Variants in HNRNPR observed in about 807,000 individuals in gnomAD.
HNRNPR encodes heterogeneous nuclear ribonucleoprotein R.
A neutral mutation model predicts 70.3 loss-of-function variants in HNRNPR; 4 were observed. That is an observed-to-expected ratio of 0.06 (90% CI 0.03 to 0.13). The LOEUF is 0.13. Ranked by LOEUF, HNRNPR falls within the 10% of genes least tolerant of loss-of-function variation. The probability of loss-of-function intolerance (pLI) is 1.00; values close to 1 mark genes in which losing one functional copy is unlikely to be tolerated. For missense variants in HNRNPR, 423 were observed against 788.5 expected, an observed-to-expected ratio of 0.54 and a Z score of 5.55; for synonymous variants, 241 against 267.6, an observed-to-expected ratio of 0.90 and a Z score of 0.97.
chr1:23,331,834 TAAAAAAAAA>T (rs59006948), intron 5 of HNRNPR, among the ~76,000 whole-genome samples: 45 of 59,268 alleles, frequency 7.6e-4, no homozygotes, highest in Admixed American at 3.5e-3. Context: ...ACTGTTTCTT[TAAAAAAAAA>T]AAAAAAAAAA....
chr1:23,319,196 C>T (rs1645661389), intron 7 of HNRNPR, among the ~76,000 whole-genome samples: 1 of 152,178 alleles, frequency 6.6e-6, no homozygotes, highest in African/African-American at 2.4e-5. Flanking sequence ...TAAATAATGT[C>T]AGCTAGCCCT....
chr1:23,325,009 C>A (rs1480184100), intron 5 of HNRNPR, among the ~76,000 whole-genome samples: 3 of 150,806 alleles, frequency 2.0e-5, no homozygotes, highest in Non-Finnish European at 1.5e-5. Flanking sequence ...GCGTGGTGGC[C>A]GGCGCCTGTA....
chr1:23,333,192 GA>G (rs1172718333), intron 5 of HNRNPR, among the ~76,000 whole-genome samples: 2 of 150,440 alleles, frequency 1.3e-5, no homozygotes, highest in South Asian at 2.1e-4. Context: ...CAGGGGAGGG[GA>G]AAAAAAAAGA....
At position 23,310,854 on chromosome 1, in the gene HNRNPR, CCTCTTA is replaced by C. The variant is rs1288625877; in HGVS notation, c.1496_1501del (p.Val499_Arg500del). On this transcript the variant is annotated inframe_deletion, in exon 11 of 11. Coordinates refer to ENST00000302271, the MANE Select transcript of HNRNPR (RefSeq NM_005826.5). The surrounding 1 kb of genome is among the most constrained non-coding windows in gnomAD (Gnocchi z 6.0). ...TCGCCCTCCCCTTCCTCCTCCTCTTCCTCTTACTGCATAGCCATCATCATAGCCGTA... is the reference window on the plus strand; with the variant it reads ...TCGCCCTCCCCTTCCTCCTCCTCTTCCTGCATAGCCATCATCATAGCCGTA... 3.7e-6 allele frequency: 6 copies of C among 1,614,038 alleles called. No individual in the cohort carries two copies.
chr1:23,309,161 G>A lies in HNRNPR; in HGVS notation c.*1293C>T, dbSNP rs1273239451. On this transcript the variant is annotated 3_prime_UTR_variant, in exon 11 of 11. Transcript: ENST00000302271. ...GCAGATAAATAAAAATAAACGAAGT[G>A]TTAACAGAAAGTCAAAGGTATTACT... The A allele has an allele frequency of 1.3e-5, 2 of 152,066 alleles. No individual in the cohort carries two copies. Among genetic ancestry groups the A allele is most frequent in the South Asian group, 2.1e-4 (1 of 4,830 alleles). 9.4% of individuals were successfully genotyped at this position (152,066 alleles called of 1,614,324 possible). A position where few individuals can be genotyped will look rare whatever the true frequency, so the allele number is the denominator to read the frequency against.
In HNRNPR at chr1:23,304,815, T is replaced by C. The variant is rs549112931; in HGVS notation, c.*5639A>G. ...ACTGATGATTAAATGGAAAAGGTCT[T>C]GCAAATGTCCCTATTTTGGTATTTC... On this transcript the variant is annotated 3_prime_UTR_variant, in exon 11 of 11. Coordinates refer to ENST00000302271, the MANE Select transcript of HNRNPR (RefSeq NM_005826.5). The C allele has an allele frequency of 1.3e-5, 2 of 152,342 alleles. No homozygotes were observed. The highest frequency in any genetic ancestry group is 2.9e-5 in the Non-Finnish European group (2 of 68,034). The allele number at this position is 152,342 out of a possible 1,614,324, so 9.4% of individuals were successfully genotyped here. A position where few individuals can be genotyped will look rare whatever the true frequency, so the allele number is the denominator to read the frequency against.
intron 5 of HNRNPR, among the ~76,000 whole-genome samples, chr1:23,331,834 T>TTAAAAAAA (rs1404013850): frequency 3.4e-5 from 2 of 59,242 alleles, no homozygotes; most frequent in African/African-American, 4.6e-5. Flanking sequence ...ACTGTTTCTT[T>TTAAAAAAA]AAAAAAAAAA....
intron 9 of HNRNPR, 147 bp from the exon 10 acceptor site, chr1:23,311,469 G>A (rs1645335269): frequency 6.7e-6 from 4 of 599,910 alleles, no homozygotes; most frequent in African/African-American, 1.9e-5. Context: ...AATCTAGCCA[G>A]AAAGTTAAAC....
Position 23,334,604 on chromosome 1 carries a change from A to G in HNRNPR, c.385-973T>C, listed in dbSNP as rs556875967. Among the ~76,000 whole-genome samples the G allele has an allele frequency of 3.3e-5, 5 of 152,286 alleles. No individual in the cohort carries two copies. The East Asian group carries it at 5.8e-4, about 18-fold the overall frequency. Reference sequence around the variant, plus strand: ...GATCCTTCTGGTTTGTACTCCTGCCATATCATAAGCTCCACAAGAATCAGG... The same window carrying G: ...GATCCTTCTGGTTTGTACTCCTGCCGTATCATAAGCTCCACAAGAATCAGG... On this transcript the variant is annotated intron_variant, in intron 4 of 10. Transcript: ENST00000302271.
chr1:23,323,079 T>C (rs1418273537), intron 6 of HNRNPR, among the ~76,000 whole-genome samples: 1 of 152,044 alleles, frequency 6.6e-6, no homozygotes, highest in Non-Finnish European at 1.5e-5. Context: ...ACTTAGAAAA[T>C]ATGAAATAAA....
At chr1:23,338,268 G>GT (rs1009117227) in intron 3 of HNRNPR, 4 of 353,100 alleles carry the variant, frequency 1.1e-5, no homozygotes, top group Non-Finnish European at 2.0e-5. Context: ...TTAATTTTAA[G>GT]TTTTTAAAAT....
At chr1:23,321,704 A>C in intron 6 of HNRNPR, 41 bp from the exon 7 acceptor site, 1 of 1,566,280 alleles carries the variant, frequency 6.4e-7, no homozygotes, top group Non-Finnish European at 8.6e-7. Flanking sequence ...AACCACCCCA[A>C]ACTCAGGACA....
In HNRNPR at chr1:23,337,617, G is replaced by A. The variant is rs77241175; in HGVS notation, c.384+137C>T. On this transcript the variant is annotated intron_variant, in intron 4 of 10. Coordinates refer to ENST00000302271, the MANE Select transcript of HNRNPR (RefSeq NM_005826.5). ...GCTTGCAGTGATCCAAGACTGCGCC[G>A]CTACTCCAGCCTGGGCGACAGAGCA... is the stretch of plus-strand genomic sequence containing the variant. 2,777 of 578,364 alleles carry A rather than the reference G, an allele frequency of 4.8e-3. 102 individuals carry two copies. In the East Asian group the frequency reaches 0.076, roughly 16 times the overall value. 35.8% of individuals were successfully genotyped at this position (578,364 alleles called of 1,614,324 possible).
At chr1:23,335,263 TATC>T (rs1646422646) in intron 4 of HNRNPR, among the ~76,000 whole-genome samples, 1 of 152,198 alleles carries the variant, frequency 6.6e-6, no homozygotes, top group South Asian at 2.1e-4. Flanking sequence ...AGACTTTAGA[TATC>T]ATCAAGTTCA....
intron 9 of HNRNPR, among the ~76,000 whole-genome samples, chr1:23,312,888 T>TA (rs533354664): frequency 6.6e-6 from 1 of 151,924 alleles, no homozygotes; most frequent in African/African-American, 2.4e-5. Flanking sequence ...GAGAGATGAA[T>TA]AAAAAAAAGA....
In HNRNPR at chr1:23,343,183, A is replaced by C. The variant is rs573574963; in HGVS notation, c.-10+1028T>G. Among the ~76,000 whole-genome samples, 4 of 152,282 alleles carry C rather than the reference A, an allele frequency of 2.6e-5. No homozygotes were observed. The East Asian group carries it at 7.7e-4, about 29-fold the overall frequency. ...AACGTGACTGGAGTCATTTGATCTA[A>C]ACATTTTTGCAAAAAAAAAGGAGAC... On this transcript the variant is annotated intron_variant, in intron 1 of 10. Coordinates refer to ENST00000302271, the MANE Select transcript of HNRNPR (RefSeq NM_005826.5).
Position 23,318,975 on chromosome 1 carries a change from T to G in HNRNPR, c.812-287A>C, listed in dbSNP as rs1645652669. Reference sequence around the variant, plus strand: ...ATGTTTTAGAGCGTTTGATATAACATGACTTTATTAAAGCACTAACAAGGA... The same window carrying G: ...ATGTTTTAGAGCGTTTGATATAACAGGACTTTATTAAAGCACTAACAAGGA... On this transcript the variant is annotated intron_variant, in intron 7 of 10. Coordinates refer to ENST00000302271, the MANE Select transcript of HNRNPR (RefSeq NM_005826.5). This position sits in a 1 kb window ranked among gnomAD's most constrained non-coding sequence, Gnocchi z 4.2. 6.6e-6 allele frequency among the ~76,000 whole-genome samples: 1 copy of G among 152,232 alleles called. No homozygotes were observed. The highest frequency in any genetic ancestry group is 6.5e-5 in the Admixed American group (1 of 15,282).
Position 23,318,655 on chromosome 1 carries a change from G to A in HNRNPR, c.845C>T (p.Pro282Leu). The change falls in exon 8 of 11, where the codon CCC becomes CTC. Residue 282 changes from proline to leucine, a missense_variant. Physicochemically the swap from Pro to Leu is moderately conservative, Grantham distance 98. This residue lies in a region of HNRNPR where 118 missense variants were observed against 239.3 expected (regional missense o/e 0.49). Transcript: ENST00000302271. The surrounding 1 kb of genome is among the most constrained non-coding windows in gnomAD (Gnocchi z 4.2). Reference protein sequence around the residue: ...GLVDVILYHQPDDKKKNRGFC... With the variant: ...GLVDVILYHQLDDKKKNRGFC... ...CCCCCGATTCTTCTTTTTGTCATCGGGTTGATGATAGAGAATAACGTCCAC... is the reference window on the plus strand; with the variant it reads ...CCCCCGATTCTTCTTTTTGTCATCGAGTTGATGATAGAGAATAACGTCCAC... The A allele has an allele frequency of 6.2e-7, 1 of 1,614,124 alleles. No individual in the cohort carries two copies. The highest frequency in any genetic ancestry group is 8.5e-7 in the Non-Finnish European group (1 of 1,180,016).
At chr1:23,315,140 C>T (rs987278210) in intron 8 of HNRNPR, among the ~76,000 whole-genome samples, 3 of 151,742 alleles carry the variant, frequency 2.0e-5, no homozygotes, top group South Asian at 4.2e-4. Context: ...ATTAGCCGGG[C>T]GTGGTAGGAG....
Sources: allele counts gnomAD v4.1 joint callset (sites outside exome capture counted in the v4.1 genomes callset), GRCh38; gene constraint gnomAD v4.1.1; regional missense constraint gnomAD v4.1.1; non-coding constraint Gnocchi (gnomAD v3.1); transcripts MANE v1.5; gene names NCBI Gene and HGNC (gene_info 2026-07-23, HGNC 2026-07-21).